Variants in RASGEF1B observed in about 807,000 individuals in gnomAD.
RASGEF1B encodes the protein RasGEF domain family member 1B, also known as ras-GEF domain-containing family member 1B.
RASGEF1B carries 30 observed loss-of-function variants against 65.7 expected under a neutral mutation model. The observed-to-expected ratio is 0.46, with a 90% CI of 0.34 to 0.62. The LOEUF (loss-of-function observed/expected upper bound fraction) is 0.62. RASGEF1B is among the 20% of genes least tolerant of loss of function. The pLI is 0.01. For missense variants in RASGEF1B, 495 were observed against 580.1 expected (o/e 0.85, Z 1.51); for synonymous variants, 175 against 194.8 (o/e 0.90, Z 0.85).
At chr4:81,436,655 T>C (rs1236732937) in intron 10 of RASGEF1B, among the ~76,000 whole-genome samples, 1 of 152,230 alleles carries the variant, frequency 6.6e-6, no homozygotes, top group Non-Finnish European at 1.5e-5. Context: ...CGTGGGCCTA[T>C]CTTGTTTCCC....
intron 1 of RASGEF1B, 92 bp downstream of exon 1, chr4:81,471,677 CA>C (rs1165614022): frequency 1.3e-5 from 2 of 152,642 alleles, no homozygotes; most frequent in African/African-American, 4.8e-5. Context: ...CAGGGATCTC[CA>C]GGGAGAGCGC....
chr4:81,439,460 G>A (rs1040791169), intron 10 of RASGEF1B, among the ~76,000 whole-genome samples: 5 of 152,138 alleles, frequency 3.3e-5, no homozygotes, highest in Non-Finnish European at 7.3e-5. Context: ...GAGATATTTT[G>A]GAGGGATTGC....
chr4:81,440,248 A>C (rs983431850), intron 10 of RASGEF1B, among the ~76,000 whole-genome samples: 1 of 152,200 alleles, frequency 6.6e-6, no homozygotes, highest in Admixed American at 6.5e-5. Flanking sequence ...GGACCCTCAG[A>C]ATCAAGAATA....
chr4:81,435,956 T>A (rs1030404773), intron 10 of RASGEF1B, among the ~76,000 whole-genome samples: 1 of 151,578 alleles, frequency 6.6e-6, no homozygotes, highest in Non-Finnish European at 1.5e-5. Flanking sequence ...TTTTTAAAAA[T>A]TTTGTGTAGA....
intron 9 of RASGEF1B, 131 bp downstream of exon 9, chr4:81,442,166 T>C: frequency 1.5e-6 from 1 of 663,262 alleles, no homozygotes; most frequent in Non-Finnish European, 2.7e-6. Context: ...CCACTTTCCT[T>C]TCCCTGGGTC....
Position 81,447,512 on chromosome 4 carries a change from T to A in RASGEF1B, c.721A>T (p.Asn241Tyr), listed in dbSNP as rs770843955. ...TTGGGTAGACTGATTACCTTGTCATTATCCAAAGGGTCCTTCTGCACGAAC... is the reference window on the plus strand; with the variant it reads ...TTGGGTAGACTGATTACCTTGTCATAATCCAAAGGGTCCTTCTGCACGAAC... ...QAFVQKDPLDNDKSCYSERKK... is the reference protein window; with the variant it reads ...QAFVQKDPLDYDKSCYSERKK... Residue 241 changes from asparagine to tyrosine, a missense_variant, in exon 6 of 14, where the codon AAT becomes TAT. Asn to Tyr is a moderately radical substitution (Grantham distance 143). Transcript: ENST00000264400. 8 of 1,613,730 alleles carry A rather than the reference T, an allele frequency of 5.0e-6. No homozygotes were observed. The South Asian group carries it at 8.8e-5, about 18-fold the overall frequency.
intron 4 of RASGEF1B, chr4:81,455,236 A>T (rs1452716244): frequency 3.3e-5 from 5 of 152,248 alleles, no homozygotes; most frequent in African/African-American, 7.2e-5. Flanking sequence ...CAAAAGTTGG[A>T]GACCAGCCTG....
At chr4:81,447,082 T>C (rs755527) in intron 6 of RASGEF1B, among the ~76,000 whole-genome samples, 70,771 of 152,084 alleles carry the variant, frequency 0.47, 19,778 homozygotes, top group African/African-American at 0.79. Flanking sequence ...AGAGGCAAAG[T>C]AGTCAAGCCC....
chr4:81,468,492 A>G (rs921499762), intron 1 of RASGEF1B, among the ~76,000 whole-genome samples: 10 of 152,198 alleles, frequency 6.6e-5, no homozygotes, highest in African/African-American at 2.4e-4. Flanking sequence ...CTGAAATGAA[A>G]TAATAAATAT....
chr4:81,466,701 G>A (rs1335087525), intron 1 of RASGEF1B, among the ~76,000 whole-genome samples: 14 of 146,386 alleles, frequency 9.6e-5, no homozygotes, highest in Non-Finnish European at 1.9e-4. Flanking sequence ...AGAGGTTGCA[G>A]TGAGCTGAGA....
intron 6 of RASGEF1B, 76 bp from the exon 7 acceptor site, chr4:81,445,914 A>G: frequency 1.9e-6 from 2 of 1,056,684 alleles, no homozygotes; most frequent in South Asian, 2.7e-5. Flanking sequence ...GTGAAATACG[A>G]GCCTTTAGTC....
intron 1 of RASGEF1B, among the ~76,000 whole-genome samples, chr4:81,466,428 TCTG>T (rs1722804691): frequency 1.3e-5 from 2 of 152,148 alleles, no homozygotes; most frequent in Non-Finnish European, 2.9e-5. Context: ...AAGTCAAGTT[TCTG>T]ACACTATTTA....
At chr4:81,465,888 C>T (rs78535536) in intron 1 of RASGEF1B, among the ~76,000 whole-genome samples, 2,370 of 152,168 alleles carry the variant, frequency 0.016, 53 homozygotes, top group African/African-American at 0.054. Flanking sequence ...TTCCTCTACA[C>T]TTGGAAAGAG....
chr4:81,452,501 A>C (rs1722296396), intron 4 of RASGEF1B: 1 of 152,226 alleles, frequency 6.6e-6, no homozygotes, highest in Non-Finnish European at 1.5e-5. Flanking sequence ...AATATAAGGG[A>C]AAAATGTATG....
intron 13 of RASGEF1B, among the ~76,000 whole-genome samples, chr4:81,429,898 C>T (rs1721361251): frequency 1.3e-5 from 2 of 152,198 alleles, no homozygotes; most frequent in African/African-American, 2.4e-5. Context: ...CACTTACTGG[C>T]GGGACGAGGC....
At chr4:81,465,593 G>A (rs1301682429) in intron 1 of RASGEF1B, among the ~76,000 whole-genome samples, 5 of 152,182 alleles carry the variant, frequency 3.3e-5, no homozygotes, top group Non-Finnish European at 7.3e-5. Context: ...GGTGATTTAC[G>A]ATATGAATGG....
intron 6 of RASGEF1B, among the ~76,000 whole-genome samples, chr4:81,446,173 G>A (rs536317504): frequency 4.6e-5 from 7 of 152,202 alleles, no homozygotes; most frequent in Non-Finnish European, 7.3e-5. Flanking sequence ...TCAGGAGTTC[G>A]AGATCAGCCT....
At chr4:81,456,201 G>A in intron 4 of RASGEF1B, 1 of 383,420 alleles carries the variant, frequency 2.6e-6, no homozygotes, top group Non-Finnish European at 4.7e-6. Context: ...TTTCTGCCAT[G>A]GCCCAGAATG....
intron 13 of RASGEF1B, among the ~76,000 whole-genome samples, chr4:81,432,020 A>ATTTTTTTTTTTT (rs144119071): frequency 6.6e-6 from 1 of 152,064 alleles, no homozygotes; most frequent in Admixed American, 6.6e-5. Flanking sequence ...AAGTCAATGC[A>ATTTTTTTTTTTT]TTTTTTTTAA....
Sources: allele counts gnomAD v4.1 joint callset (sites outside exome capture counted in the v4.1 genomes callset), GRCh38; gene constraint gnomAD v4.1.1; transcripts MANE v1.5; gene names NCBI Gene and HGNC (gene_info 2026-07-23, HGNC 2026-07-21).